Variants in DLC1 observed in about 807,000 individuals in gnomAD.
DLC1 encodes the protein DLC1 Rho GTPase activating protein, also known as rho GTPase-activating protein 7.
Under a neutral mutation model 140.3 loss-of-function variants are expected in DLC1, and 54 were observed. That is an observed-to-expected ratio of 0.38 (90% CI 0.31 to 0.48). The LOEUF (loss-of-function observed/expected upper bound fraction) is 0.48. Among genes scored for constraint, DLC1 ranks in the 20% least tolerant of loss-of-function variants. DLC1 has a pLI of 0.96. For missense variants in DLC1, 2,536 were observed against 1,907.0 expected (o/e 1.33, Z -6.14); for synonymous variants, 986 against 728.1 (o/e 1.35, Z -5.70).
At chr8:13,474,430 G>A (rs1800349491) in intron 2 of DLC1, among the ~76,000 whole-genome samples, 1 of 152,216 alleles carries the variant, frequency 6.6e-6, no homozygotes, top group African/African-American at 2.4e-5. Context: ...CAGTGCAGAA[G>A]GAAAATGTGG....
At chr8:13,565,899 T>C (rs528514453) in intron 1 of DLC1, among the ~76,000 whole-genome samples, 4 of 152,342 alleles carry the variant, frequency 2.6e-5, no homozygotes, top group African/African-American at 9.6e-5. Flanking sequence ...AAATATATCC[T>C]GTGTAATAGC....
chr8:13,390,991 A>AAAAAAAAAAAAAAAAGG (rs199632725), intron 4 of DLC1, among the ~76,000 whole-genome samples: 3 of 71,728 alleles, frequency 4.2e-5, no homozygotes, highest in Non-Finnish European at 5.7e-5. Flanking sequence ...TCTCAAAAAA[A>AAAAAAAAAAAAAAAAGG]AAAAGAAAAA....
At chr8:13,208,745 G>GACACAC (rs56989279) in intron 5 of DLC1, among the ~76,000 whole-genome samples, 54 of 147,904 alleles carry the variant, frequency 3.7e-4, no homozygotes, top group South Asian at 1.7e-3. Flanking sequence ...CATACACACA[G>GACACAC]ACACACACAC....
In DLC1 at chr8:13,369,913, T is replaced by TAA. The variant is rs71207148; in HGVS notation, c.1314+23638_1314+23639dup. Among the ~76,000 whole-genome samples, 431 of 141,568 alleles carry TAA rather than the reference T, an allele frequency of 3.0e-3. 1 individual carries two copies. Among genetic ancestry groups the TAA allele is most frequent in the Middle Eastern group, 7.1e-3 (2 of 282 alleles). 92.9% of individuals were successfully genotyped at this position (141,568 alleles called of 152,430 possible). A position where few individuals can be genotyped will look rare whatever the true frequency, so the allele number is the denominator to read the frequency against. On this transcript the variant is annotated intron_variant, in intron 4 of 17. Transcript: ENST00000276297. ...AGAAGTCAAAGTCAGATTTAAAACT[T>TAA]AAAAAAAAAAAAAATGGAAAAAGGA...
intron 5 of DLC1, among the ~76,000 whole-genome samples, chr8:13,199,592 TTCAAC>T (rs1489931630): frequency 2.0e-5 from 3 of 152,340 alleles, no homozygotes; most frequent in Non-Finnish European, 4.4e-5. Context: ...TTTAATATAC[TTCAAC>T]TCATTTCTTC....
intron 2 of DLC1, among the ~76,000 whole-genome samples, chr8:13,405,263 T>A (rs1344105556): frequency 6.6e-6 from 1 of 152,146 alleles, no homozygotes; most frequent in East Asian, 1.9e-4. Context: ...GCATAATACC[T>A]AAGAGGTAGT....
chr8:13,171,739 G>A (rs183160374), intron 5 of DLC1, among the ~76,000 whole-genome samples: 2 of 152,236 alleles, frequency 1.3e-5, no homozygotes, highest in East Asian at 3.9e-4. Flanking sequence ...GGACTTCTAT[G>A]TACAGCTGAA....
chr8:13,117,733 G>A (rs945965293), intron 5 of DLC1, among the ~76,000 whole-genome samples: 1 of 152,116 alleles, frequency 6.6e-6, no homozygotes, highest in Admixed American at 6.5e-5. Context: ...CTCAGTGCCC[G>A]CCCTTTTTTG....
At chr8:13,562,427 A>G (rs1335491770) in intron 1 of DLC1, among the ~76,000 whole-genome samples, 1 of 152,228 alleles carries the variant, frequency 6.6e-6, no homozygotes, top group Non-Finnish European at 1.5e-5. Context: ...GTACACATAA[A>G]AAGAAAAAGA....
In DLC1 at chr8:13,499,586, G is replaced by A. The variant is rs748424907; in HGVS notation, c.486C>T (p.Asn162=). The change falls in exon 2 of 18, where the codon AAC becomes AAT. Residue 162 remains asparagine (N), a synonymous_variant. Coordinates refer to ENST00000276297, the MANE Select transcript of DLC1 (RefSeq NM_182643.3). ...PIIQSNQVSS[N]SWGIAGETEL... is the part of the protein sequence containing the mutation. ...CAGTTTCACCAGCTATTCCCCAGGA[G>A]TTAGAAGAAACTTGGTTACTTTGTA... is the stretch of plus-strand genomic sequence containing the variant. The A allele has an allele frequency of 3.2e-5, 52 of 1,614,040 alleles. No homozygotes were observed. The African/African-American group carries it at 6.3e-4, about 19-fold the overall frequency.
At chr8:13,146,532 T>C (rs939271498) in intron 5 of DLC1, among the ~76,000 whole-genome samples, 12 of 151,734 alleles carry the variant, frequency 7.9e-5, no homozygotes, top group African/African-American at 2.9e-4. Context: ...AGCCAAATAA[T>C]ATTAATATTA....
At chr8:13,303,848 C>G (rs73562510) in intron 5 of DLC1, among the ~76,000 whole-genome samples, 11,653 of 152,184 alleles carry the variant, frequency 0.077, 505 homozygotes, top group South Asian at 0.098. Flanking sequence ...ATTTGAGAAG[C>G]TTGACAGAAT....
At chr8:13,486,703 C>A (rs1000213814) in intron 2 of DLC1, among the ~76,000 whole-genome samples, 2 of 141,890 alleles carry the variant, frequency 1.4e-5, no homozygotes, top group Middle Eastern at 3.6e-3. Context: ...GGTGTTTCAT[C>A]CATATTTGTT....
chr8:13,443,185 C>A (rs1319998986), intron 2 of DLC1, among the ~76,000 whole-genome samples: 2 of 129,952 alleles, frequency 1.5e-5, no homozygotes, highest in African/African-American at 3.0e-5. Context: ...AGGGAAACAT[C>A]AGACACTGGG....
At chr8:13,127,725 G>A (rs1220130308) in intron 5 of DLC1, among the ~76,000 whole-genome samples, 1 of 152,274 alleles carries the variant, frequency 6.6e-6, no homozygotes, top group Middle Eastern at 3.4e-3. Flanking sequence ...ACCACCCCAG[G>A]GTGTGGAAAA....
intron 1 of DLC1, among the ~76,000 whole-genome samples, chr8:13,504,204 G>A (rs1172546860): frequency 6.8e-6 from 1 of 146,804 alleles, no homozygotes; most frequent in East Asian, 2.0e-4. Context: ...TCAGCTCACT[G>A]CAACCTCTGC....
At chr8:13,140,241 T>C (rs1563673840) in intron 5 of DLC1, among the ~76,000 whole-genome samples, 1 of 152,190 alleles carries the variant, frequency 6.6e-6, no homozygotes, top group East Asian at 1.9e-4. Context: ...TATCTATCTA[T>C]ATATTTTTCC....
chr8:13,164,432 T>C (rs990514114), intron 5 of DLC1, among the ~76,000 whole-genome samples: 1 of 152,206 alleles, frequency 6.6e-6, no homozygotes, highest in Non-Finnish European at 1.5e-5. Context: ...TGGTCCAATG[T>C]AGAATGATCA....
At chr8:13,339,117 C>T (rs1012862665) in intron 4 of DLC1, among the ~76,000 whole-genome samples, 2 of 152,114 alleles carry the variant, frequency 1.3e-5, no homozygotes, top group African/African-American at 4.8e-5. Flanking sequence ...TGAATCATTC[C>T]CTTCCTTGTC....
Sources: gnomAD v4.1 joint callset for allele counts (sites outside exome capture counted in the v4.1 genomes callset) on GRCh38, gnomAD v4.1.1 for gene constraint, MANE v1.5 for transcripts, NCBI Gene and HGNC (gene_info 2026-07-23, HGNC 2026-07-21) for gene names.